SYTL3: variants seen among roughly 807,000 people sequenced by gnomAD.
The protein encoded by SYTL3 is synaptotagmin-like protein 3.
SYTL3 carries 88 observed loss-of-function variants against 82.1 expected under a neutral mutation model. The ratio of observed to expected loss-of-function variants is 1.07; its 90% CI spans 0.90 to 1.28. The LOEUF (loss-of-function observed/expected upper bound fraction) is 1.28, where lower values mean the gene tolerates loss of function less well. Among genes scored for constraint, SYTL3 ranks in the 50% most tolerant of loss-of-function variants. SYTL3 has a pLI of 0.00. For synonymous variants in SYTL3, 311 were observed against 289.4 expected (o/e 1.07, Z -0.76); for missense variants, 831 against 757.6 (o/e 1.10, Z -1.14).
At chr6:158,682,789 T>A in intron 5 of SYTL3, 136 bp from the exon 6 acceptor site, 1 of 646,674 alleles carries the variant, frequency 1.5e-6, no homozygotes, top group Non-Finnish European at 2.7e-6. Flanking sequence ...AATTTAAGTG[T>A]TTAAGCCAGG....
intron 6 of SYTL3, among the ~76,000 whole-genome samples, chr6:158,703,231 G>T (rs9457442): frequency 0.21 from 31,846 of 149,356 alleles, 3,624 homozygotes; most frequent in South Asian, 0.33. Flanking sequence ...AAAATGCTCC[G>T]CGCCGTGCCT....
At chr6:158,673,440 A>ATTTTTTTT (rs553781177) in intron 5 of SYTL3, among the ~76,000 whole-genome samples, 1 of 134,506 alleles carries the variant, frequency 7.4e-6, no homozygotes, top group Non-Finnish European at 1.6e-5. Context: ...TGGGAATAGC[A>ATTTTTTTT]TTTTTTTTTT....
chr6:158,695,524 T>A (rs905253320), intron 6 of SYTL3, among the ~76,000 whole-genome samples: 7 of 152,246 alleles, frequency 4.6e-5, no homozygotes, highest in East Asian at 3.8e-4. Context: ...TGTTCATTTT[T>A]AAAATTGTGG....
chr6:158,655,734 G>A (rs317792), intron 2 of SYTL3, among the ~76,000 whole-genome samples: 11 of 151,934 alleles, frequency 7.2e-5, no homozygotes, highest in African/African-American at 1.2e-4. Context: ...TCATAGCACC[G>A]CCGTGAAGTG....
At chr6:158,746,942 AG>A (rs1787743663) in intron 12 of SYTL3, among the ~76,000 whole-genome samples, 1 of 151,960 alleles carries the variant, frequency 6.6e-6, no homozygotes, top group African/African-American at 2.4e-5. Flanking sequence ...GTGTGAGCCC[AG>A]CCTTTTGAGC....
rs759280831 is a variant in SYTL3, at chr6:158,723,620, C to T, written c.721-1883C>T. ...TGAAAACATTGCTAATGTTGTGCAC[C>T]TGTCACCACCATCCATCTCCAGGAC... On this transcript the variant is annotated intron_variant, in intron 10 of 17. Coordinates refer to ENST00000611299, the MANE Select transcript of SYTL3 (RefSeq NM_001242394.2). Among the ~76,000 whole-genome samples the T allele has an allele frequency of 2.4e-4, 37 of 152,316 alleles. 1 individual carries two copies. In the South Asian group the frequency reaches 4.3e-3, roughly 18 times the overall value.
Position 158,665,410 on chromosome 6 carries a change from C to T in SYTL3, c.126C>T (p.His42=). ...AGGGCTGCAGGAAACTGAAAACACA[C>T]CTGCAGCATCTCCGGTGGAAAGGAG... ...EEERTRKLKT[H]LQHLRWKGAK... Residue 42 remains histidine, a synonymous_variant, in exon 5 of 18, where the codon CAC becomes CAT. Coordinates refer to ENST00000611299, the MANE Select transcript of SYTL3 (RefSeq NM_001242394.2). 1.3e-6 allele frequency: 2 copies of T among 1,596,302 alleles called. No individual in the cohort carries two copies. The highest frequency in any genetic ancestry group is 1.7e-5 in the Admixed American group (1 of 57,162).
intron 6 of SYTL3, among the ~76,000 whole-genome samples, chr6:158,706,409 A>C (rs562361681): frequency 3.7e-4 from 57 of 152,266 alleles, no homozygotes; most frequent in African/African-American, 1.4e-3. Flanking sequence ...GTCTTATGGA[A>C]GTGATGTTTC....
intron 6 of SYTL3, among the ~76,000 whole-genome samples, chr6:158,702,444 AT>A (rs1781425485): frequency 6.7e-6 from 1 of 149,608 alleles, no homozygotes; most frequent in South Asian, 2.2e-4. Flanking sequence ...GAGGAGGCTG[AT>A]GTGGGAGGAT....
At chr6:158,755,232 A>C (rs1279319687) in intron 13 of SYTL3, among the ~76,000 whole-genome samples, 1 of 152,156 alleles carries the variant, frequency 6.6e-6, no homozygotes, top group African/African-American at 2.4e-5. Flanking sequence ...AGTCCCAACT[A>C]CTTGGGAAGC....
intron 5 of SYTL3, among the ~76,000 whole-genome samples, chr6:158,681,790 C>G (rs886196995): frequency 1.3e-5 from 2 of 152,250 alleles, no homozygotes; most frequent in African/African-American, 4.8e-5. Context: ...TAACCCTGCT[C>G]TGTGGGCTCT....
At chr6:158,728,502 T>A (rs1008676333) in intron 11 of SYTL3, among the ~76,000 whole-genome samples, 1 of 152,244 alleles carries the variant, frequency 6.6e-6, no homozygotes, top group African/African-American at 2.4e-5. Flanking sequence ...TCCTGAGTAC[T>A]GTATCTTTGT....
chr6:158,733,622 C>T lies in SYTL3; in HGVS notation c.855+7985C>T, dbSNP rs371474708. Among the ~76,000 whole-genome samples the T allele has an allele frequency of 1.3e-3, 203 of 151,950 alleles. 1 individual carries two copies. The highest frequency in any genetic ancestry group is 4.5e-3 in the African/African-American group (188 of 41,464). The stretch of plus-strand genomic sequence containing the variant: ...GATGACAGGCGTGAGCCACCGTGCC[C>T]GGCCACCTCTACCTATTTTAAAAAG... On this transcript the variant is annotated intron_variant, in intron 11 of 17. Transcript: ENST00000611299.
rs769955205 is a variant in SYTL3, at chr6:158,763,317, C to A, written c.1531C>A (p.Pro511Thr). The A allele has an allele frequency of 6.2e-7, 1 of 1,614,178 alleles. No individual in the cohort carries two copies. The highest frequency in any genetic ancestry group is 8.5e-7 in the Non-Finnish European group (1 of 1,180,026). ...NSFVKGCLTL[P>T]DQQKLRLKSP... ...TTCCCTCTTCAGCTGTCTCACTCTG[C>A]CAGACCAACAAAAACTGAGACTGAA... Residue 511 changes from proline (P) to threonine (T), a missense_variant, in exon 17 of 18, where the codon CCA becomes ACA. Coordinates refer to ENST00000611299, the MANE Select transcript of SYTL3 (RefSeq NM_001242394.2).
intron 8 of SYTL3, among the ~76,000 whole-genome samples, chr6:158,708,735 A>AATAAAT (rs1782410082): frequency 6.6e-6 from 1 of 152,078 alleles, no homozygotes; most frequent in African/African-American, 2.4e-5. Context: ...AAGATTGGTT[A>AATAAAT]ACGTGTGTGT....
chr6:158,751,639 G>A (rs993132287), intron 12 of SYTL3, among the ~76,000 whole-genome samples: 5 of 152,148 alleles, frequency 3.3e-5, no homozygotes, highest in African/African-American at 4.8e-5. Flanking sequence ...CATGGTCTTC[G>A]CCAAATGGAG....
chr6:158,730,064 G>T (rs1219957417), intron 11 of SYTL3, among the ~76,000 whole-genome samples: 1 of 152,098 alleles, frequency 6.6e-6, no homozygotes, highest in African/African-American at 2.4e-5. Context: ...AGATATTTGT[G>T]CTGAATATGC....
intron 13 of SYTL3, among the ~76,000 whole-genome samples, chr6:158,755,997 G>A (rs921260749): frequency 2.0e-5 from 3 of 152,212 alleles, no homozygotes; most frequent in Non-Finnish European, 2.9e-5. Context: ...ACCTCATAGG[G>A]TGCGTGTGAA....
chr6:158,719,632 C>T (rs1783834679), intron 10 of SYTL3, among the ~76,000 whole-genome samples: 1 of 152,222 alleles, frequency 6.6e-6, no homozygotes, highest in Non-Finnish European at 1.5e-5. Context: ...CAGAAGCTCC[C>T]TCCGAACTCC....
Sources: allele counts gnomAD v4.1 joint callset (sites outside exome capture counted in the v4.1 genomes callset), GRCh38; gene constraint gnomAD v4.1.1; transcripts MANE v1.5; gene names NCBI Gene and HGNC (gene_info 2026-07-23, HGNC 2026-07-21).